Variants in MYH2 observed in about 807,000 individuals in gnomAD.
MYH2 encodes myosin-2.
Under a neutral mutation model 228.1 loss-of-function variants are expected in MYH2, and 139 were observed. The observed-to-expected ratio is 0.61, with a 90% CI of 0.53 to 0.70. The LOEUF (loss-of-function observed/expected upper bound fraction) is 0.70, where lower values mean the gene tolerates loss of function less well. Ranked by LOEUF, MYH2 falls within the 30% of genes least tolerant of loss-of-function variation. MYH2 has a pLI of 0.00. For synonymous variants in MYH2, 796 were observed against 871.1 expected (o/e 0.91, Z 1.52); for missense variants, 1,809 against 2,357.5 (o/e 0.77, Z 4.82).
rs2073424708 is a variant in MYH2, at chr17:10,531,663, T to G, written c.2667A>C (p.Glu889Asp). Residue 889 changes from glutamate to aspartate, a missense_variant, in exon 22 of 40, where the codon GAA (glutamate) becomes GAC (aspartate). By Grantham distance (45) the Glu-to-Asp change is conservative. Transcript: ENST00000245503. Reference sequence around the variant, plus strand: ...GAACTTGGAGCTGCAAGTCATTTTTTTCTTTCAACAGCGTCACCATCTTTT... The same window carrying G: ...GAACTTGGAGCTGCAAGTCATTTTTGTCTTTCAACAGCGTCACCATCTTTT... Reference protein sequence around the residue: ...LEEKMVTLLKEKNDLQLQVQA... With the variant: ...LEEKMVTLLKDKNDLQLQVQA... 6.2e-7 allele frequency: 1 copy of G among 1,614,104 alleles called. No homozygotes were observed. Among genetic ancestry groups the G allele is most frequent in the African/African-American group, 1.3e-5 (1 of 74,930 alleles).
At chr17:10,544,327 T>C (rs2073598120) in intron 5 of MYH2, among the ~76,000 whole-genome samples, 200 bp from the exon 6 acceptor site, 1 of 152,196 alleles carries the variant, frequency 6.6e-6, no homozygotes, top group Non-Finnish European at 1.5e-5. Flanking sequence ...ACTACTTTTA[T>C]TGGTTTTATA....
At chr17:10,542,024 A>T (rs2073562546) in intron 10 of MYH2, among the ~76,000 whole-genome samples, 5 of 152,188 alleles carry the variant, frequency 3.3e-5, no homozygotes, top group Admixed American at 3.3e-4. Context: ...CCATAATCCC[A>T]TCACTTTGAG....
At chr17:10,545,201 C>T in intron 5 of MYH2, 145 bp downstream of exon 5, 1 of 1,514,716 alleles carries the variant, frequency 6.6e-7, no homozygotes, top group South Asian at 1.1e-5. Context: ...CCTTTCTCCC[C>T]TTCCTGGACC....
chr17:10,530,120 C>T, intron 22 of MYH2, 46 bp from the exon 23 acceptor site: 3 of 1,613,336 alleles, frequency 1.9e-6, no homozygotes, highest in South Asian at 1.1e-5. Flanking sequence ...GAATGAAATA[C>T]TTCACAATGG....
rs757290160 is a variant in MYH2 at position 10,531,696 on chromosome 17, T to C, written c.2634A>G (p.Glu878=). 26 of 1,614,096 alleles carry C rather than the reference T, an allele frequency of 1.6e-5. No homozygotes were observed. Among genetic ancestry groups the C allele is most frequent in the Non-Finnish European group, 2.2e-5 (26 of 1,180,038 alleles). Residue 878 remains glutamate, a synonymous_variant, in exon 22 of 40, where the codon GAA becomes GAG. Transcript: ENST00000245503. Reference sequence around the variant, plus strand: ...ACAGCGTCACCATCTTTTCTTCCAGTTCCTTCCTTTTTGCCTCTGACTTGG... The same window carrying C: ...ACAGCGTCACCATCTTTTCTTCCAGCTCCTTCCTTTTTGCCTCTGACTTGG... ...ELAKSEAKRK[E]LEEKMVTLLK... is the part of the protein sequence containing the mutation.
intron 4 of MYH2, among the ~76,000 whole-genome samples, chr17:10,545,888 T>C (rs1018882769): frequency 1.3e-5 from 2 of 152,180 alleles, no homozygotes; most frequent in African/African-American, 4.8e-5. Flanking sequence ...AACAATGTGA[T>C]AGCAGAATCC....
At chr17:10,538,325 G>C (rs1205099844) in intron 14 of MYH2, among the ~76,000 whole-genome samples, 1 of 150,596 alleles carries the variant, frequency 6.6e-6, no homozygotes, top group Non-Finnish European at 1.5e-5. Context: ...AAAAAAAAAA[G>C]ATCAAGATAC....
rs1320548190 is a variant in MYH2, at chr17:10,539,206, T to C, written c.1415A>G (p.Asp472Gly). The C allele has an allele frequency of 6.2e-7, 1 of 1,613,978 alleles. No homozygotes were observed. The highest frequency in any genetic ancestry group is 8.5e-7 in the Non-Finnish European group (1 of 1,180,024). The change falls in exon 14 of 40, where the codon GAT (aspartate) becomes GGT (glycine). Residue 472 changes from aspartate to glycine, a missense_variant and splice_region_variant. Around this residue, in one of 9 missense-constraint regions of MYH2, gnomAD observed 373 missense variants for 620.4 expected, o/e 0.60. Coordinates refer to ENST00000245503, the MANE Select transcript of MYH2 (RefSeq NM_017534.6). ...VLDIAGFEIF[D>G]FNSLEQLCIN... is the part of the protein sequence containing the mutation. ...CTCACCAATCAGCTACAAACTCACA[T>C]CAAAAATCTCAAAACCAGCAATGTC...
chr17:10,533,820 G>T (rs572707623), intron 19 of MYH2, among the ~76,000 whole-genome samples, 188 bp from the exon 20 acceptor site: 2 of 151,886 alleles, frequency 1.3e-5, no homozygotes, highest in African/African-American at 4.8e-5. Flanking sequence ...CCTTTCCCTC[G>T]CAGTTGCAAC....
intron 10 of MYH2, among the ~76,000 whole-genome samples, chr17:10,542,538 G>A (rs982723301): frequency 2.0e-5 from 3 of 152,146 alleles, no homozygotes; most frequent in African/African-American, 7.2e-5. Flanking sequence ...TAGATTACAG[G>A]AGAGCATGTA....
chr17:10,523,663 C>T lies in MYH2; in HGVS notation c.5305G>A (p.Ala1769Thr), dbSNP rs550869991. ...EKAKKAITDA[A>T]MMAEELKKEQ... Reference sequence around the variant, plus strand: ...TTCTTCAGCTCCTCAGCCATCATGGCGGCCTAAATAGCAAATAAATCAAGA... The same window carrying T: ...TTCTTCAGCTCCTCAGCCATCATGGTGGCCTAAATAGCAAATAAATCAAGA... Residue 1769 changes from alanine (A) to threonine (T), a missense_variant, in exon 37 of 40, where the codon GCC becomes ACC. Physicochemically the swap from Ala to Thr is moderately conservative, Grantham distance 58. This residue lies in a region of MYH2 where 278 missense variants were observed against 308.5 expected (regional missense o/e 0.90). Transcript: ENST00000245503. The T allele has an allele frequency of 2.0e-5, 32 of 1,614,204 alleles. No homozygotes were observed. The highest frequency in any genetic ancestry group is 7.7e-5 in the South Asian group (7 of 91,078).
At chr17:10,545,627 CT>C in intron 4 of MYH2, 125 bp from the exon 5 acceptor site, 1 of 1,296,932 alleles carries the variant, frequency 7.7e-7, no homozygotes, top group Non-Finnish European at 1.1e-6. Context: ...TGCAGTGGTG[CT>C]ACCTCAGCTC....
In MYH2 at chr17:10,535,325, T is replaced by C; in HGVS notation, c.2015A>G (p.His672Arg). The change falls in exon 18 of 40, where the codon CAT (histidine) becomes CGT (arginine). Residue 672 changes from histidine (H) to arginine (R), a missense_variant. By Grantham distance (29) the His-to-Arg change is conservative (BLOSUM62 0). Coordinates refer to ENST00000245503, the MANE Select transcript of MYH2 (RefSeq NM_017534.6). Reference sequence around the variant, plus strand: ...GATGATACACCTCACAAAGTGAGGATGGGTACTCCTGAGGTTGGTCATCAG... The same window carrying C: ...GATGATACACCTCACAAAGTGAGGACGGGTACTCCTGAGGTTGGTCATCAG... ...NKLMTNLRST[H>R]PHFVRCIIPN... The C allele has an allele frequency of 6.2e-7, 1 of 1,614,186 alleles. No individual in the cohort carries two copies. Among genetic ancestry groups the C allele is most frequent in the Non-Finnish European group, 8.5e-7 (1 of 1,180,032 alleles).
intron 38 of MYH2, 27 bp from the exon 39 acceptor site, chr17:10,523,212 C>T: frequency 6.2e-7 from 1 of 1,607,450 alleles, no homozygotes; most frequent in Non-Finnish European, 8.5e-7. Flanking sequence ...AGTCCAGGAC[C>T]TTAATTACTA....
intron 22 of MYH2, among the ~76,000 whole-genome samples, chr17:10,530,530 C>T (rs1026043178): frequency 2.4e-5 from 3 of 125,094 alleles, no homozygotes; most frequent in Non-Finnish European, 3.4e-5. Flanking sequence ...ACAGCTGCTA[C>T]TGATTTTTTT....
intron 22 of MYH2, 134 bp downstream of exon 22, chr17:10,531,499 T>A (rs2073422899): frequency 8.0e-7 from 1 of 1,244,576 alleles, no homozygotes; most frequent in East Asian, 2.4e-5. Context: ...GACCTTTTCG[T>A]GCCATTGGAG....
At chr17:10,531,349 A>G (rs1286412793) in intron 22 of MYH2, among the ~76,000 whole-genome samples, 1 of 152,198 alleles carries the variant, frequency 6.6e-6, no homozygotes, top group African/African-American at 2.4e-5. Flanking sequence ...AATCATTTTT[A>G]TGGACTGTAT....
At chr17:10,546,260 T>TATATAG (rs1326213607) in intron 4 of MYH2, among the ~76,000 whole-genome samples, 1 of 86,246 alleles carries the variant, frequency 1.2e-5, no homozygotes, top group Non-Finnish European at 2.8e-5. Flanking sequence ...CGAAATGATA[T>TATATAG]ATATATATAT....
Position 10,521,448 on chromosome 17 carries a change from G to C in MYH2, c.5674-16C>G. ...ATTGTTCCTCCTGAGAATAAAAATG[G>C]AATTGTAAGGAACTCATACTTGCAT... On this transcript the variant is annotated splice_polypyrimidine_tract_variant and intron_variant, in intron 39 of 39. Transcript: ENST00000245503. The C allele has an allele frequency of 6.2e-7, 1 of 1,613,316 alleles. No individual in the cohort carries two copies. Among genetic ancestry groups the C allele is most frequent in the Non-Finnish European group, 8.5e-7 (1 of 1,179,340 alleles).
Sources: gnomAD v4.1 joint callset for allele counts (sites outside exome capture counted in the v4.1 genomes callset) on GRCh38, gnomAD v4.1.1 for gene constraint, gnomAD v4.1.1 regional missense constraint, MANE v1.5 for transcripts, NCBI Gene and HGNC (gene_info 2026-07-23, HGNC 2026-07-21) for gene names.